Variants in SKIC3 observed in about 807,000 individuals in gnomAD.
SKIC3 encodes SKI3 subunit of superkiller complex, also known as superkiller complex protein 3.
the SKIC3 span, among the ~76,000 whole-genome samples, chr5:95,473,938 T>C: frequency 2.0e-5 from 3 of 152,254 alleles, no homozygotes; most frequent in African/African-American, 7.2e-5. Context: ...ATTTTTGTTT[T>C]TCTTGCAACT....
At chr5:95,506,789 CTG>C in the SKIC3 span, 1 of 821,258 alleles carries the variant, frequency 1.2e-6, no homozygotes, top group Non-Finnish European at 2.0e-6. Context: ...GTATAGGAAA[CTG>C]TTAACAGAGC....
the SKIC3 span, chr5:95,498,243 C>T: frequency 1.7e-4 from 161 of 945,546 alleles, no homozygotes; most frequent in East Asian, 4.1e-3. Flanking sequence ...TGTAAAATTT[C>T]ATAAAACCAG....
the SKIC3 span, among the ~76,000 whole-genome samples, chr5:95,532,119 A>T: frequency 6.6e-6 from 1 of 152,122 alleles, no homozygotes; most frequent in Admixed American, 6.5e-5. Flanking sequence ...TTGACTACAT[A>T]AACTGCCTGT....
chr5:95,543,978 CA>C, the SKIC3 span, among the ~76,000 whole-genome samples: 1 of 152,110 alleles, frequency 6.6e-6, no homozygotes, highest in East Asian at 1.9e-4. Flanking sequence ...GAAAGAAAAA[CA>C]AAACCAGTAG....
the SKIC3 span, among the ~76,000 whole-genome samples, chr5:95,526,495 C>T: frequency 4.0e-5 from 6 of 151,200 alleles, no homozygotes; most frequent in African/African-American, 1.5e-4. Context: ...TTTGGAGAGA[C>T]AAGAGTCTCG....
At chr5:95,497,728 A>G in the SKIC3 span, among the ~76,000 whole-genome samples, 2 of 152,260 alleles carry the variant, frequency 1.3e-5, no homozygotes, top group African/African-American at 4.8e-5. Context: ...AAGTCATGAG[A>G]TAATTAAGAA....
At chr5:95,493,765 C>T in the SKIC3 span, among the ~76,000 whole-genome samples, 1 of 151,772 alleles carries the variant, frequency 6.6e-6, no homozygotes, top group Admixed American at 6.6e-5. Flanking sequence ...TGATCTAACA[C>T]ATCTGAAGAG....
At chr5:95,516,443 G>A in the SKIC3 span, 1 of 1,612,104 alleles carries the variant, frequency 6.2e-7, no homozygotes, top group African/African-American at 1.3e-5. Flanking sequence ...CTTAAAATAG[G>A]CCCCTTGTCT....
At chr5:95,505,522 G>A in the SKIC3 span, among the ~76,000 whole-genome samples, 1 of 152,220 alleles carries the variant, frequency 6.6e-6, no homozygotes, top group Non-Finnish European at 1.5e-5. Flanking sequence ...TTTGGAAAAA[G>A]TAACCTGAAG....
At chr5:95,497,671 A>C in the SKIC3 span, among the ~76,000 whole-genome samples, 1 of 152,216 alleles carries the variant, frequency 6.6e-6, no homozygotes, top group Non-Finnish European at 1.5e-5. Flanking sequence ...ATACACCAAC[A>C]GTCTTTATGA....
the SKIC3 span, among the ~76,000 whole-genome samples, chr5:95,504,973 C>A: frequency 6.6e-6 from 1 of 151,900 alleles, no homozygotes; most frequent in Non-Finnish European, 1.5e-5. Context: ...TCACTGCACT[C>A]CAGCCTGGGT....
At chr5:95,531,332 G>A in the SKIC3 span, among the ~76,000 whole-genome samples, 1 of 152,134 alleles carries the variant, frequency 6.6e-6, no homozygotes, top group Admixed American at 6.5e-5. Context: ...TAAAACTTCA[G>A]TATATTTGGC....
the SKIC3 span, among the ~76,000 whole-genome samples, chr5:95,476,198 T>C: frequency 6.6e-6 from 1 of 152,194 alleles, no homozygotes; most frequent in East Asian, 1.9e-4. Flanking sequence ...CCTCCCCAAC[T>C]CAAGTGCCAG....
chr5:95,503,922 CA>C, the SKIC3 span: 2 of 1,613,956 alleles, frequency 1.2e-6, no homozygotes, highest in South Asian at 2.2e-5. Context: ...ATAGCTTTAT[CA>C]TATTCACCAG....
At chr5:95,544,838 G>A in the SKIC3 span, among the ~76,000 whole-genome samples, 1 of 152,136 alleles carries the variant, frequency 6.6e-6, no homozygotes, top group South Asian at 2.1e-4. Context: ...AGAACATAGA[G>A]AAAAAAGTAC....
chr5:95,530,976 A>G, the SKIC3 span, among the ~76,000 whole-genome samples: 1 of 152,156 alleles, frequency 6.6e-6, no homozygotes, highest in East Asian at 1.9e-4. Context: ...AGCATTCACA[A>G]GTTTAATAAA....
the SKIC3 span, among the ~76,000 whole-genome samples, chr5:95,535,069 C>T: frequency 6.6e-6 from 1 of 152,184 alleles, no homozygotes; most frequent in African/African-American, 2.4e-5. Flanking sequence ...TCTTCACTAT[C>T]ATACTCCTCG....
At chr5:95,467,084 G>A in the SKIC3 span, among the ~76,000 whole-genome samples, 1 of 152,060 alleles carries the variant, frequency 6.6e-6, no homozygotes, top group African/African-American at 2.4e-5. Flanking sequence ...AACTTCACTA[G>A]GTAAGGGCTT....
At chr5:95,546,285 T>C in the SKIC3 span, among the ~76,000 whole-genome samples, 1 of 148,490 alleles carries the variant, frequency 6.7e-6, no homozygotes, top group Non-Finnish European at 1.5e-5. Flanking sequence ...GGGCAATCAC[T>C]AGGGCCTGCT....
Sources: gnomAD v4.1 joint callset for allele counts (sites outside exome capture counted in the v4.1 genomes callset) on GRCh38, gnomAD v4.1.1 for gene constraint, MANE v1.5 for transcripts, NCBI Gene and HGNC (gene_info 2026-07-23, HGNC 2026-07-21) for gene names.